SNTG2: variants seen among roughly 807,000 people sequenced by gnomAD.
The protein encoded by SNTG2 is gamma-2-syntrophin.
A neutral mutation model predicts 70.9 loss-of-function variants in SNTG2; 74 were observed. The observed-to-expected ratio is 1.04, with a 90% CI of 0.86 to 1.27. SNTG2 has a LOEUF of 1.27. Among genes scored for constraint, SNTG2 ranks in the 50% most tolerant of loss-of-function variants. The pLI is 0.00. For missense variants in SNTG2, 717 were observed against 690.7 expected (o/e 1.04, Z -0.43); for synonymous variants, 278 against 273.8 (o/e 1.02, Z -0.15).
intron 1 of SNTG2, among the ~76,000 whole-genome samples, chr2:1,070,180 A>G (rs1663437385): frequency 6.6e-6 from 1 of 151,974 alleles, no homozygotes; most frequent in South Asian, 2.1e-4. Flanking sequence ...CAGGGAGGGA[A>G]TTACCCTGAG....
intron 1 of SNTG2, among the ~76,000 whole-genome samples, chr2:1,080,609 G>T (rs904265480): frequency 2.0e-5 from 3 of 147,034 alleles, no homozygotes; most frequent in Non-Finnish European, 4.5e-5. Context: ...TGTAGGCCAT[G>T]TGTGTTGCAT....
chr2:1,235,129 C>T (rs1041236055), intron 9 of SNTG2, among the ~76,000 whole-genome samples: 11 of 152,034 alleles, frequency 7.2e-5, no homozygotes, highest in Non-Finnish European at 1.5e-4. Context: ...CCCTGAGGTC[C>T]CTGCAGGCCC....
At chr2:1,054,416 G>C (rs554359580) in intron 1 of SNTG2, among the ~76,000 whole-genome samples, 1 of 152,296 alleles carries the variant, frequency 6.6e-6, no homozygotes, top group East Asian at 1.9e-4. Flanking sequence ...AGGGGTTTAC[G>C]TAGAGGGCTT....
At position 1,083,508 on chromosome 2, in the gene SNTG2, G is replaced by T; in HGVS notation, c.73-10G>T. On this transcript the variant is annotated splice_polypyrimidine_tract_variant and intron_variant, in intron 1 of 16. Transcript: ENST00000308624. ...CACCATTTTTTTGTGTTTCCACTTT[G>T]TCCCTACAGACGAAAACCACTATTG... 6.2e-7 allele frequency: 1 copy of T among 1,613,280 alleles called. No homozygotes were observed. Among genetic ancestry groups the T allele is most frequent in the Non-Finnish European group, 8.5e-7 (1 of 1,179,476 alleles).
intron 4 of SNTG2, chr2:1,103,388 T>A (rs768524414): frequency 6.4e-5 from 19 of 295,254 alleles, no homozygotes; most frequent in South Asian, 6.0e-4. Flanking sequence ...TCTTTTTTTT[T>A]TTATTTTTTT....
At chr2:1,222,109 C>CTGCCTATCTCTG (rs760978420) in intron 9 of SNTG2, among the ~76,000 whole-genome samples, 1 of 44,564 alleles carries the variant, frequency 2.2e-5, no homozygotes, top group South Asian at 7.2e-4. Flanking sequence ...CTCTCTGTCT[C>CTGCCTATCTCTG]TCTCTGTCTC....
chr2:980,695 T>TACAG (rs1553304152), intron 1 of SNTG2, among the ~76,000 whole-genome samples: 1 of 150,016 alleles, frequency 6.7e-6, no homozygotes, highest in Non-Finnish European at 1.5e-5. Flanking sequence ...TAGACACATG[T>TACAG]ACACACACAC....
At chr2:959,030 T>TG in intron 1 of SNTG2, among the ~76,000 whole-genome samples, 1 of 152,340 alleles carries the variant, frequency 6.6e-6, no homozygotes, top group East Asian at 1.9e-4. Flanking sequence ...ATTTGTTCTT[T>TG]GTAGCAACAA....
chr2:1,022,941 A>C (rs1660274407), intron 1 of SNTG2, among the ~76,000 whole-genome samples: 1 of 152,170 alleles, frequency 6.6e-6, no homozygotes, highest in African/African-American at 2.4e-5. Flanking sequence ...ACAAGAGAAG[A>C]TAAAGGAGAT....
At chr2:996,835 A>C (rs1286793924) in intron 1 of SNTG2, among the ~76,000 whole-genome samples, 4 of 151,908 alleles carry the variant, frequency 2.6e-5, no homozygotes, top group Admixed American at 2.0e-4. Context: ...AAAGTTTGAA[A>C]ACTGTCTGAT....
chr2:1,111,619 A>T (rs1159247833), intron 4 of SNTG2, among the ~76,000 whole-genome samples: 1 of 152,264 alleles, frequency 6.6e-6, no homozygotes, highest in Non-Finnish European at 1.5e-5. Flanking sequence ...AATACTTTTT[A>T]ATTTAAATAT....
intron 14 of SNTG2, among the ~76,000 whole-genome samples, chr2:1,270,190 C>T (rs1044063015): frequency 6.6e-6 from 1 of 152,178 alleles, no homozygotes; most frequent in Non-Finnish European, 1.5e-5. Flanking sequence ...GACCTGACTC[C>T]TATCAGATCT....
intron 16 of SNTG2, among the ~76,000 whole-genome samples, chr2:1,363,841 G>T (rs1216164683): frequency 1.3e-5 from 2 of 152,184 alleles, no homozygotes; most frequent in East Asian, 1.9e-4. Context: ...TCAGTATCTG[G>T]ATCATGACAT....
At chr2:1,251,065 C>T (rs1677725091) in intron 12 of SNTG2, among the ~76,000 whole-genome samples, 1 of 152,224 alleles carries the variant, frequency 6.6e-6, no homozygotes, top group South Asian at 2.1e-4. Context: ...GTTCTGAAGG[C>T]CTCGCTATTC....
chr2:960,939 C>T (rs908903305), intron 1 of SNTG2, among the ~76,000 whole-genome samples: 1 of 152,236 alleles, frequency 6.6e-6, no homozygotes, highest in Admixed American at 6.5e-5. Context: ...CTCCAGGGCA[C>T]AGCCCCTGGT....
intron 1 of SNTG2, among the ~76,000 whole-genome samples, chr2:1,053,253 C>T (rs1382641434): frequency 6.6e-6 from 1 of 152,050 alleles, no homozygotes; most frequent in Non-Finnish European, 1.5e-5. Flanking sequence ...GGTAAGCAGG[C>T]TTATTTTTAA....
chr2:1,288,707 C>G (rs115767547), intron 14 of SNTG2, among the ~76,000 whole-genome samples: 1,719 of 152,312 alleles, frequency 0.011, 31 homozygotes, highest in African/African-American at 0.039. Context: ...TGTATGCCCA[C>G]ACACATGCAG....
At chr2:1,050,840 T>C (rs752335193) in intron 1 of SNTG2, among the ~76,000 whole-genome samples, 1 of 152,212 alleles carries the variant, frequency 6.6e-6, no homozygotes, top group African/African-American at 2.4e-5. Context: ...TCTTCTTAAA[T>C]TCCTCCCAAT....
At chr2:1,311,395 A>G (rs114353238) in intron 15 of SNTG2, among the ~76,000 whole-genome samples, 276 of 152,260 alleles carry the variant, frequency 1.8e-3, no homozygotes, top group Non-Finnish European at 3.1e-3. Context: ...AACATAAACA[A>G]TTGTTCCTTG....
Sources: gnomAD v4.1 joint callset for allele counts (sites outside exome capture counted in the v4.1 genomes callset) on GRCh38, gnomAD v4.1.1 for gene constraint, MANE v1.5 for transcripts, NCBI Gene and HGNC (gene_info 2026-07-23, HGNC 2026-07-21) for gene names.